The following AFG1L variants were observed in gnomAD, a reference collection of about 807,000 sequenced individuals.
AFG1L encodes AFG1 like ATPase.
Under a neutral mutation model 62.2 loss-of-function variants are expected in AFG1L, and 53 were observed. The ratio of observed to expected loss-of-function variants is 0.85; its 90% CI spans 0.68 to 1.07. The LOEUF is 1.07. AFG1L is among the 50% of genes least tolerant of loss of function. The pLI, the probability that AFG1L is intolerant of heterozygous loss-of-function variation, is 0.00. For missense variants in AFG1L, 555 were observed against 590.5 expected, an observed-to-expected ratio of 0.94 and a Z score of 0.62; for synonymous variants, 228 against 210.3, an observed-to-expected ratio of 1.08 and a Z score of -0.73.
chr6:108,471,542 C>T (rs1468967331), intron 8 of AFG1L, among the ~76,000 whole-genome samples: 1 of 149,402 alleles, frequency 6.7e-6, no homozygotes, highest in Non-Finnish European at 1.5e-5. Flanking sequence ...CTCACTACAA[C>T]CTCCCCCTCC....
rs1774362865 is a variant in AFG1L, at chr6:108,505,286, G to T, written c.1063-4926G>T. ...TTTTTGTATTTTTAGTAGAGATGGG[G>T]TTTCACCATCTTGGCCAGGCTGGTC... On this transcript the variant is annotated intron_variant, in intron 10 of 12. Transcript: ENST00000368977. 2.0e-5 allele frequency among the ~76,000 whole-genome samples: 3 copies of T among 152,176 alleles called. No individual in the cohort carries two copies. In the South Asian group the frequency reaches 6.2e-4, roughly 32 times the overall value.
chr6:108,389,358 G>A (rs895201084), intron 6 of AFG1L, among the ~76,000 whole-genome samples: 8 of 152,084 alleles, frequency 5.3e-5, no homozygotes, highest in Admixed American at 5.2e-4. Context: ...CTTTTAATTG[G>A]AGCATTTAGT....
chr6:108,394,785 A>G (rs567520177), intron 6 of AFG1L, among the ~76,000 whole-genome samples: 1 of 152,286 alleles, frequency 6.6e-6, no homozygotes, highest in South Asian at 2.1e-4. Context: ...TGCAGTTTTT[A>G]GCTTATTTAT....
chr6:108,490,816 C>A (rs1458064246), intron 10 of AFG1L, among the ~76,000 whole-genome samples: 1 of 152,218 alleles, frequency 6.6e-6, no homozygotes, highest in Non-Finnish European at 1.5e-5. Flanking sequence ...TACTTCCCTA[C>A]ACTGGGCTAT....
intron 11 of AFG1L, among the ~76,000 whole-genome samples, chr6:108,511,765 C>T (rs183045696): frequency 8.5e-5 from 13 of 152,282 alleles, no homozygotes; most frequent in African/African-American, 3.1e-4. Context: ...ACAGAATCTG[C>T]TGGGAGGGAG....
rs1779756609 is a variant in AFG1L at position 108,366,316 on chromosome 6, C to T, written c.732C>T (p.Ser244=). 1 of 1,610,598 alleles carries T rather than the reference C, an allele frequency of 6.2e-7. No individual in the cohort carries two copies. The highest frequency in any genetic ancestry group is 1.7e-5 in the Admixed American group (1 of 59,898). Residue 244 remains serine (S), a synonymous_variant, in exon 6 of 13, where the codon TCC becomes TCT. Transcript: ENST00000368977. ...FKNGVVVVAT[S]NRPPEDLYKN... The stretch of plus-strand genomic sequence containing the variant: ...ACGGGGTCGTCGTTGTGGCAACATC[C>T]AACAGGCCACCGGAAGGTAAAAACA...
At chr6:108,371,162 TTAC>T (rs1779986203) in intron 6 of AFG1L, among the ~76,000 whole-genome samples, 1 of 152,184 alleles carries the variant, frequency 6.6e-6, no homozygotes, top group South Asian at 2.1e-4. Flanking sequence ...AAGCTTGTGA[TTAC>T]TACTTTATTT....
chr6:108,438,963 G>A (rs775746368), intron 7 of AFG1L, among the ~76,000 whole-genome samples: 12 of 152,168 alleles, frequency 7.9e-5, no homozygotes, highest in Non-Finnish European at 1.5e-4. Context: ...AGGCCGTGTG[G>A]TCTGCTCTAA....
At chr6:108,435,070 C>G (rs996745715) in intron 7 of AFG1L, among the ~76,000 whole-genome samples, 1 of 152,134 alleles carries the variant, frequency 6.6e-6, no homozygotes, top group African/African-American at 2.4e-5. Flanking sequence ...TTTACCCTGT[C>G]AGTAAAGGAG....
intron 1 of AFG1L, among the ~76,000 whole-genome samples, chr6:108,303,210 C>A (rs1777076709): frequency 6.6e-6 from 1 of 152,114 alleles, no homozygotes; most frequent in South Asian, 2.1e-4. Context: ...CCATGCCTGG[C>A]CTTTTTATTT....
chr6:108,413,212 GCTAA>G (rs1203244291), intron 7 of AFG1L, among the ~76,000 whole-genome samples: 1 of 152,142 alleles, frequency 6.6e-6, no homozygotes, highest in Non-Finnish European at 1.5e-5. Context: ...AAAAAGAAGA[GCTAA>G]CTATCTTAAA....
rs535753062 is a variant in AFG1L, at chr6:108,350,050, C to T, written c.415+3011C>T. On this transcript the variant is annotated intron_variant, in intron 3 of 12. Coordinates refer to ENST00000368977, the MANE Select transcript of AFG1L (RefSeq NM_145315.5). ...CAGCCTGGCCAAAATGGTGAAACCC[C>T]GCCTCTACTAAAAGTACAAAAATTA... Among the ~76,000 whole-genome samples, 19 of 151,600 alleles carry T rather than the reference C, an allele frequency of 1.3e-4. No homozygotes were observed. The South Asian group carries it at 2.3e-3, about 18-fold the overall frequency.
chr6:108,326,323 C>T (rs945431382), intron 2 of AFG1L, among the ~76,000 whole-genome samples: 1 of 152,206 alleles, frequency 6.6e-6, no homozygotes, highest in Non-Finnish European at 1.5e-5. Flanking sequence ...CCTCCTGCCT[C>T]AGCCTCTAAA....
intron 7 of AFG1L, among the ~76,000 whole-genome samples, chr6:108,404,238 A>G (rs1781755485): frequency 6.6e-6 from 1 of 152,150 alleles, no homozygotes; most frequent in Non-Finnish European, 1.5e-5. Context: ...CAAATTGAGA[A>G]TCTTAGTTTA....
chr6:108,524,849 AT>A lies in AFG1L; in HGVS notation c.*2425del, dbSNP rs1172750244. 3 of 152,244 alleles carry A rather than the reference AT, an allele frequency of 2.0e-5. No individual in the cohort carries two copies. Among genetic ancestry groups the A allele is most frequent in the African/African-American group, 7.2e-5 (3 of 41,466 alleles). 9.4% of individuals were successfully genotyped at this position (152,244 alleles called of 1,614,324 possible). ...AAGAAAAAAACCCAAGTCTTCAAGAATAGCCATCACTAGGAAACAGTATGGT... is the reference window on the plus strand; with the variant it reads ...AAGAAAAAAACCCAAGTCTTCAAGAAAGCCATCACTAGGAAACAGTATGGT... On this transcript the variant is annotated 3_prime_UTR_variant, in exon 13 of 13. Transcript: ENST00000368977.
chr6:108,387,089 T>G (rs1167608987), intron 6 of AFG1L, among the ~76,000 whole-genome samples: 4 of 152,078 alleles, frequency 2.6e-5, no homozygotes, highest in African/African-American at 7.2e-5. Flanking sequence ...GAGATATACT[T>G]TAAAAATAAA....
chr6:108,420,850 A>G (rs993268883), intron 7 of AFG1L, among the ~76,000 whole-genome samples: 2 of 152,182 alleles, frequency 1.3e-5, no homozygotes, highest in African/African-American at 4.8e-5. Context: ...AGAACAATAA[A>G]TAGTTATTTT....
intron 8 of AFG1L, among the ~76,000 whole-genome samples, chr6:108,456,263 GT>G (rs1434614433): frequency 6.6e-6 from 1 of 151,978 alleles, no homozygotes; most frequent in Non-Finnish European, 1.5e-5. Context: ...TAAAATTAGT[GT>G]TTGCATGATA....
chr6:108,406,554 C>G (rs1489859446), intron 7 of AFG1L, among the ~76,000 whole-genome samples: 1 of 152,146 alleles, frequency 6.6e-6, no homozygotes, highest in Non-Finnish European at 1.5e-5. Context: ...TCTCATTCCT[C>G]AGCCTCCCGA....
Sources: gnomAD v4.1 joint callset for allele counts (sites outside exome capture counted in the v4.1 genomes callset) on GRCh38, gnomAD v4.1.1 for gene constraint, MANE v1.5 for transcripts, NCBI Gene and HGNC (gene_info 2026-07-23, HGNC 2026-07-21) for gene names.